The following LAMP3 variants were observed in gnomAD, a reference collection of about 807,000 sequenced individuals.
The protein encoded by LAMP3 is lysosome associated membrane protein 3, also known as lysosome-associated membrane glycoprotein 3.
A neutral mutation model predicts 34.8 loss-of-function variants in LAMP3; 26 were observed. The ratio of observed to expected loss-of-function variants is 0.75; its 90% CI spans 0.55 to 1.04. LAMP3 has a LOEUF of 1.04. LAMP3 is among the 50% of genes least tolerant of loss of function. LAMP3 has a pLI of 0.00. For missense variants in LAMP3, 495 were observed against 524.0 expected, an observed-to-expected ratio of 0.94 and a Z score of 0.54; for synonymous variants, 180 against 201.9, an observed-to-expected ratio of 0.89 and a Z score of 0.92.
At chr3:183,133,649 C>A (rs576645700) in intron 5 of LAMP3, among the ~76,000 whole-genome samples, 1 of 152,172 alleles carries the variant, frequency 6.6e-6, no homozygotes, top group African/African-American at 2.4e-5. Flanking sequence ...AGCCAACACG[C>A]CCAGTCCTAA....
intron 3 of LAMP3, 59 bp downstream of exon 3, chr3:183,152,316 G>T: frequency 4.6e-6 from 7 of 1,517,682 alleles, no homozygotes; most frequent in East Asian, 2.4e-5. Flanking sequence ...CTGGCCCCAG[G>T]ATGAGGGAGA....
At chr3:183,126,299 T>C (rs73886233) in intron 5 of LAMP3, among the ~76,000 whole-genome samples, 2,513 of 151,984 alleles carry the variant, frequency 0.017, 73 homozygotes, top group African/African-American at 0.057. Context: ...CCCAAACCCA[T>C]GTGCTTGTGG....
At chr3:183,142,227 C>G (rs540921359) in intron 3 of LAMP3, among the ~76,000 whole-genome samples, 1 of 152,110 alleles carries the variant, frequency 6.6e-6, no homozygotes, top group Non-Finnish European at 1.5e-5. Flanking sequence ...ACAAGGCCCC[C>G]GCCCCATCCC....
intron 1 of LAMP3, among the ~76,000 whole-genome samples, chr3:183,155,786 A>G (rs1318516650): frequency 6.6e-6 from 1 of 152,256 alleles, no homozygotes; most frequent in African/African-American, 2.4e-5. Flanking sequence ...GTGCCTGCAC[A>G]TAGACAGTGT....
intron 5 of LAMP3, among the ~76,000 whole-genome samples, chr3:183,130,859 G>A (rs1469615980): frequency 6.6e-6 from 1 of 151,722 alleles, no homozygotes; most frequent in South Asian, 2.1e-4. Context: ...TTTCCTCCAG[G>A]TTTAGTAATG....
chr3:183,157,178 A>C lies in LAMP3; in HGVS notation c.50-2787T>G, dbSNP rs567342906. On this transcript the variant is annotated intron_variant, in intron 1 of 5. Coordinates refer to ENST00000265598, the MANE Select transcript of LAMP3 (RefSeq NM_014398.4). ...TTCAAATTGCCTTGATAACCTTATA[A>C]AAAGACCGATGACTATTAATGACAT... 1.2e-4 allele frequency among the ~76,000 whole-genome samples: 18 copies of C among 152,342 alleles called. No homozygotes were observed. In the South Asian group the frequency reaches 3.5e-3, roughly 30 times the overall value.
chr3:183,132,461 A>G (rs557552958), intron 5 of LAMP3: 102 of 983,580 alleles, frequency 1.0e-4, no homozygotes, highest in Admixed American at 2.5e-4. Flanking sequence ...AAATCAGTCA[A>G]TTTGTAAACG....
In LAMP3 at chr3:183,131,366, C is replaced by T. The variant is rs73052302; in HGVS notation, c.1117+4351G>A. ...CTTGTCCTCTGCCCTACAGAACTTT[C>T]GAGTGCCCTTAACACTGGACACAGG... On this transcript the variant is annotated intron_variant, in intron 5 of 5. Transcript: ENST00000265598. 9.9e-3 allele frequency among the ~76,000 whole-genome samples: 1,503 copies of T among 152,282 alleles called. 18 individuals are homozygous for T. The highest frequency in any genetic ancestry group is 0.034 in the African/African-American group (1,425 of 41,558).
intron 5 of LAMP3, among the ~76,000 whole-genome samples, chr3:183,125,755 CT>C (rs1719764082): frequency 6.6e-6 from 1 of 152,070 alleles, no homozygotes. Context: ...ATATGTTTCT[CT>C]TTTTTTGCAG....
intron 3 of LAMP3, among the ~76,000 whole-genome samples, chr3:183,146,878 A>C: frequency 6.6e-6 from 1 of 151,824 alleles, no homozygotes. Context: ...GCTTTTCTGG[A>C]AAGATCTAGA....
chr3:183,147,100 G>A (rs1245690042), intron 3 of LAMP3, among the ~76,000 whole-genome samples: 8 of 152,018 alleles, frequency 5.3e-5, no homozygotes, highest in South Asian at 2.1e-4. Context: ...AAAATTAGCC[G>A]GGCGTGGTGG....
intron 5 of LAMP3, among the ~76,000 whole-genome samples, chr3:183,130,210 G>A: frequency 7.5e-6 from 1 of 132,970 alleles, no homozygotes; most frequent in Non-Finnish European, 1.5e-5. Flanking sequence ...CCAGGCTGGA[G>A]TACAGTGGTG....
At chr3:183,129,119 G>T (rs1719851043) in intron 5 of LAMP3, among the ~76,000 whole-genome samples, 1 of 152,094 alleles carries the variant, frequency 6.6e-6, no homozygotes, top group South Asian at 2.1e-4. Flanking sequence ...TTAGATCATT[G>T]TAGAAATTAT....
intron 3 of LAMP3, among the ~76,000 whole-genome samples, chr3:183,144,189 T>C (rs905596843): frequency 1.3e-5 from 2 of 152,246 alleles, no homozygotes; most frequent in African/African-American, 2.4e-5. Context: ...ACCTGTGATC[T>C]ACTTTTTGGC....
At chr3:183,135,932 C>T (rs753130647) in intron 4 of LAMP3, 45 bp from the exon 5 acceptor site, 64 of 1,481,574 alleles carry the variant, frequency 4.3e-5, no homozygotes, top group Non-Finnish European at 5.6e-5. Flanking sequence ...GAGATGTAAC[C>T]GCTGAGCTCC....
intron 3 of LAMP3, among the ~76,000 whole-genome samples, chr3:183,149,271 G>A (rs1443511820): frequency 1.3e-5 from 2 of 152,032 alleles, no homozygotes; most frequent in African/African-American, 2.4e-5. Context: ...GCTGGGCACG[G>A]TGGCTCACGC....
At chr3:183,152,576 C>G in intron 2 of LAMP3, 73 bp from the exon 3 acceptor site, 1 of 1,402,582 alleles carries the variant, frequency 7.1e-7, no homozygotes, top group Non-Finnish European at 9.7e-7. Context: ...GATGCACAGG[C>G]TAGTTTGTGA....
rs142439586 is a variant in LAMP3, at chr3:183,147,350, G to A, written c.888+5025C>T. Reference sequence around the variant, plus strand: ...GCCATAAAAGACACTGATAATCCCCGGGGCTAGACACCAGCCCTGCCATTT... The same window carrying A: ...GCCATAAAAGACACTGATAATCCCCAGGGCTAGACACCAGCCCTGCCATTT... On this transcript the variant is annotated intron_variant, in intron 3 of 5. Coordinates refer to ENST00000265598, the MANE Select transcript of LAMP3 (RefSeq NM_014398.4). Among the ~76,000 whole-genome samples the A allele has an allele frequency of 4.3e-3, 656 of 152,186 alleles. 2 individuals are homozygous for A. The highest frequency in any genetic ancestry group is 0.014 in the Middle Eastern group (4 of 294).
intron 5 of LAMP3, among the ~76,000 whole-genome samples, chr3:183,129,502 G>T (rs960870974): frequency 6.6e-6 from 1 of 151,918 alleles, no homozygotes; most frequent in African/African-American, 2.4e-5. Context: ...TACCTGTAAT[G>T]ATCTCAGTCA....
Sources: allele counts gnomAD v4.1 joint callset (sites outside exome capture counted in the v4.1 genomes callset), GRCh38; gene constraint gnomAD v4.1.1; transcripts MANE v1.5; gene names NCBI Gene and HGNC (gene_info 2026-07-23, HGNC 2026-07-21).